The following ZSCAN5C variants were observed in gnomAD, a reference collection of about 807,000 sequenced individuals.
The protein encoded by ZSCAN5C is zinc finger and SCAN domain containing 5C.
In ZSCAN5C, 11 loss-of-function variants were observed where a neutral mutation model predicts 17.3. That is an observed-to-expected ratio of 0.64 (90% CI 0.40 to 1.06). The LOEUF (loss-of-function observed/expected upper bound fraction) is 1.06, where lower values mean the gene tolerates loss of function less well. Among genes scored for constraint, ZSCAN5C ranks in the 50% least tolerant of loss-of-function variants. ZSCAN5C has a pLI of 0.00. For synonymous variants in ZSCAN5C, 229 were observed against 208.4 expected (o/e 1.10, Z -0.85); for missense variants, 698 against 538.9 (o/e 1.30, Z -2.92).
chr19:56,204,915 C>A (rs895975158), intron 1 of ZSCAN5C, among the ~76,000 whole-genome samples: 16 of 151,888 alleles, frequency 1.1e-4, no homozygotes, highest in Admixed American at 3.3e-4. Flanking sequence ...CCTAATGAAG[C>A]TAGGTTTAGG....
At chr19:56,205,959 A>G (rs1361668710) in exon 2 of ZSCAN5C, 2 of 1,442,548 alleles carry the variant, frequency 1.4e-6, no homozygotes, top group Non-Finnish European at 2.0e-6. Context: ...AGAATCCTGC[A>G]ACAGCCCTGG....
intron 1 of ZSCAN5C, among the ~76,000 whole-genome samples, chr19:56,202,608 T>C (rs79590660): frequency 0.058 from 8,755 of 152,022 alleles, 593 homozygotes; most frequent in East Asian, 0.25. Context: ...TTTTTAGAGA[T>C]GAGATCTCTC....
In ZSCAN5C at chr19:56,206,556, A is replaced by G. The variant is rs550095971; in HGVS notation, c.384+259A>G. Among the ~76,000 whole-genome samples the G allele has an allele frequency of 1.4e-3, 218 of 152,016 alleles. 6 individuals carry two copies. The highest frequency in any genetic ancestry group is 4.7e-3 in the African/African-American group (196 of 41,280). On this transcript the variant is annotated intron_variant, in intron 2 of 4. Transcript: ENST00000534327. ...AAATAATCTTCCAGATTCCAATATC[A>G]GCTGTGCTGAGACGGCAAGTTCCTG... is the stretch of plus-strand genomic sequence containing the variant.
chr19:56,208,325 A>G (rs544977039), intron 4 of ZSCAN5C, 124 bp from the exon 5 acceptor site: 289 of 728,732 alleles, frequency 4.0e-4, no homozygotes, highest in Non-Finnish European at 4.8e-4. Context: ...AGAGACCTAC[A>G]GTCCAATGTC....
exon 3 of ZSCAN5C, chr19:56,207,190 G>A (rs772010951): frequency 3.7e-5 from 29 of 778,486 alleles, no homozygotes; most frequent in South Asian, 2.7e-5. Flanking sequence ...TGAACCAGAT[G>A]TGTCCGGAGG....
chr19:56,208,452 G>T (rs774611209), exon 5 of ZSCAN5C: 2 of 1,329,358 alleles, frequency 1.5e-6, no homozygotes, highest in South Asian at 1.2e-5. Context: ...CTTCCAGCAG[G>T]GGTGGTGGGA....
intron 1 of ZSCAN5C, among the ~76,000 whole-genome samples, chr19:56,204,993 T>G: frequency 6.6e-6 from 1 of 151,218 alleles, no homozygotes; most frequent in East Asian, 1.9e-4. Context: ...GCACTAGACT[T>G]TAAATCCATT....
At position 56,208,204 on chromosome 19, in the gene ZSCAN5C, C is replaced by G. The variant is rs771237064; in HGVS notation, c.739+20C>G. 6 of 769,534 alleles carry G rather than the reference C, an allele frequency of 7.8e-6. No homozygotes were observed. The highest frequency in any genetic ancestry group is 1.7e-5 in the African/African-American group (1 of 58,464). The allele number at this position is 769,534 out of a possible 1,614,324, so 47.7% of individuals were successfully genotyped here. A position where few individuals can be genotyped will look rare whatever the true frequency, so the allele number is the denominator to read the frequency against. On this transcript the variant is annotated intron_variant, in intron 4 of 4. Transcript: ENST00000534327. ...GTCCCAGTAAGTATGAAGACTTACA[C>G]CTGTGTGGAGATAGCCCCTCTCTTC...
At chr19:56,209,092 C>A in exon 5 of ZSCAN5C, 1 of 1,592,238 alleles carries the variant, frequency 6.3e-7, no homozygotes, top group Non-Finnish European at 8.6e-7. Context: ...ACCAGCGCAT[C>A]CACTCTGGAG....
At chr19:56,208,837 A>G (rs1279043477) in exon 5 of ZSCAN5C, 1 of 1,560,688 alleles carries the variant, frequency 6.4e-7, no homozygotes, top group Non-Finnish European at 8.8e-7. Context: ...TCCACACGAG[A>G]TCACACACAG....
At chr19:56,206,393 G>C in intron 2 of ZSCAN5C, 96 bp downstream of exon 2, 1 of 1,439,994 alleles carries the variant, frequency 6.9e-7, no homozygotes. Flanking sequence ...GGCTGCTCTA[G>C]GTCAGGGCTT....
chr19:56,204,064 C>A (rs1201865024), intron 1 of ZSCAN5C, among the ~76,000 whole-genome samples: 1 of 151,902 alleles, frequency 6.6e-6, no homozygotes, highest in African/African-American at 2.4e-5. Flanking sequence ...AGATGTGTTA[C>A]ATGAGTATAT....
intron 1 of ZSCAN5C, among the ~76,000 whole-genome samples, chr19:56,203,640 A>AT (rs564406569): frequency 0.051 from 4,381 of 86,722 alleles, 24 homozygotes; most frequent in Admixed American, 0.063. Flanking sequence ...TCTACTGGGA[A>AT]TTTTTTTTTT....
chr19:56,209,147 CCGGCGACCTTAAGACGCCACCAGAA>C lies in ZSCAN5C; in HGVS notation c.1439_1463del (p.Pro480GlnfsTer?), dbSNP rs757965453. 1 of 1,399,800 alleles carries C rather than the reference CCGGCGACCTTAAGACGCCACCAGAA, an allele frequency of 7.1e-7. No homozygotes were observed. Among genetic ancestry groups the C allele is most frequent in the South Asian group, 1.2e-5 (1 of 83,276 alleles). The allele number at this position is 1,399,800 out of a possible 1,614,324, so 86.7% of individuals were successfully genotyped here. A position where few individuals can be genotyped will look rare whatever the true frequency, so the allele number is the denominator to read the frequency against. ...CAAGTGTCCAAGAGCCTTCGGTCGGCCGGCGACCTTAAGACGCCACCAGAAAACACATCGAGAAGCCACTTCACAG... is the reference window on the plus strand; with the variant it reads ...CAAGTGTCCAAGAGCCTTCGGTCGGCAACACATCGAGAAGCCACTTCACAG... On this transcript the variant is annotated frameshift_variant, in exon 5 of 5. Transcript: ENST00000534327. LOFTEE classifies it low-confidence loss of function (END_TRUNC).
exon 5 of ZSCAN5C, chr19:56,209,129 C>G: frequency 6.5e-7 from 1 of 1,535,862 alleles, no homozygotes; most frequent in Non-Finnish European, 9.0e-7. Context: ...TTCCAAGTGT[C>G]CAAGAGCCTT....
chr19:56,207,156 T>G (rs139308373), exon 3 of ZSCAN5C: 1 of 778,626 alleles, frequency 1.3e-6, no homozygotes, highest in Admixed American at 1.7e-5. Flanking sequence ...CCGAGACACG[T>G]GTCCAGCCAG....
At chr19:56,208,132 G>T (rs772318492) in exon 4 of ZSCAN5C, 1 of 779,336 alleles carries the variant, frequency 1.3e-6, no homozygotes, top group South Asian at 1.3e-5. Context: ...AGGAAGACAG[G>T]GAGGAGAACC....
chr19:56,202,745 G>A (rs1412246446), intron 1 of ZSCAN5C, among the ~76,000 whole-genome samples: 1 of 151,838 alleles, frequency 6.6e-6, no homozygotes, highest in East Asian at 1.9e-4. Context: ...TTGTACAGAT[G>A]GGGTCTCAGT....
chr19:56,204,725 G>C (rs1006004381), intron 1 of ZSCAN5C, among the ~76,000 whole-genome samples: 8 of 151,772 alleles, frequency 5.3e-5, no homozygotes, highest in Admixed American at 3.9e-4. Context: ...GGAAGTGTGG[G>C]GCACTCGCCC....
Sources: gnomAD v4.1 joint callset for allele counts (sites outside exome capture counted in the v4.1 genomes callset) on GRCh38, gnomAD v4.1.1 for gene constraint, MANE v1.5 for transcripts, NCBI Gene and HGNC (gene_info 2026-07-23, HGNC 2026-07-21) for gene names.